Variants in DNAH8 observed in about 807,000 individuals in gnomAD.
The protein encoded by DNAH8 is dynein axonemal heavy chain 8.
In DNAH8, 382 loss-of-function variants were observed where a neutral mutation model predicts 562.1. The observed-to-expected ratio is 0.68, with a 90% CI of 0.63 to 0.74. DNAH8 has a LOEUF of 0.74. Ranked by LOEUF, DNAH8 falls within the 30% of genes least tolerant of loss-of-function variation. DNAH8 has a pLI of 0.00. For missense variants in DNAH8, 5,203 were observed against 5,620.4 expected, an observed-to-expected ratio of 0.93 and a Z score of 2.37; for synonymous variants, 1,881 against 1,919.4, an observed-to-expected ratio of 0.98 and a Z score of 0.52.
intron 80 of DNAH8, among the ~76,000 whole-genome samples, chr6:38,946,307 A>C (rs182989577): frequency 2.6e-5 from 4 of 152,186 alleles, no homozygotes; most frequent in Admixed American, 2.6e-4. Context: ...TGCTGTAATC[A>C]CCAATCCCCT....
chr6:38,715,960 A>ATATATATTTTTTTTTTT (rs1372342002), intron 1 of DNAH8, among the ~76,000 whole-genome samples: 1 of 23,634 alleles, frequency 4.2e-5, no homozygotes, highest in African/African-American at 3.6e-4. Flanking sequence ...ATATATATAT[A>ATATATATTTTTTTTTTT]TTTTTTTTTT....
intron 1 of DNAH8, chr6:38,716,552 T>G (rs537352477): frequency 6.6e-6 from 1 of 152,440 alleles, no homozygotes; most frequent in East Asian, 1.9e-4. Context: ...TTTCTTTTTT[T>G]GTTTTTCAGA....
intron 45 of DNAH8, among the ~76,000 whole-genome samples, chr6:38,865,488 A>G (rs862424): frequency 0.019 from 2,863 of 152,318 alleles, 94 homozygotes; most frequent in African/African-American, 0.062. Context: ...AAAAAATTGT[A>G]GTTTAACATG....
chr6:38,872,896 T>A lies in DNAH8; in HGVS notation c.7238-10T>A. ...AGTGAAAAGTGATTTTCTGTTTTAA[T>A]TATTTTCAGGTGAAAACATTTTCCT... On this transcript the variant is annotated splice_polypyrimidine_tract_variant and intron_variant, in intron 50 of 92. Transcript: ENST00000327475. 1 of 1,610,092 alleles carries A rather than the reference T, an allele frequency of 6.2e-7. No homozygotes were observed. Among genetic ancestry groups the A allele is most frequent in the Non-Finnish European group, 8.5e-7 (1 of 1,178,642 alleles).
chr6:38,763,970 T>G (rs1403887072), intron 11 of DNAH8: 1 of 153,566 alleles, frequency 6.5e-6, no homozygotes, highest in East Asian at 1.9e-4. Flanking sequence ...GGAAAAGATA[T>G]CCAGAAAAGA....
At chr6:38,927,297 C>T (rs1373951919) in intron 74 of DNAH8, among the ~76,000 whole-genome samples, 3 of 152,194 alleles carry the variant, frequency 2.0e-5, no homozygotes, top group Admixed American at 6.5e-5. Context: ...AACAAACATC[C>T]TATTTAGTGG....
chr6:38,890,614 T>G, intron 57 of DNAH8, 38 bp from the exon 58 acceptor site: 1 of 1,403,964 alleles, frequency 7.1e-7, no homozygotes, highest in Non-Finnish European at 1.0e-6. Context: ...TGGAAATCTT[T>G]TGGTAAGCTT....
chr6:38,918,614 T>C (rs1239635403), intron 70 of DNAH8, among the ~76,000 whole-genome samples: 1 of 152,164 alleles, frequency 6.6e-6, no homozygotes, highest in Non-Finnish European at 1.5e-5. Context: ...CAAATCAAGA[T>C]GTTGCAGATT....
intron 12 of DNAH8, among the ~76,000 whole-genome samples, chr6:38,772,650 T>C (rs1185651347): frequency 6.6e-6 from 1 of 152,178 alleles, no homozygotes; most frequent in African/African-American, 2.4e-5. Context: ...ATTTTTGGGT[T>C]ATCTTTTCAC....
intron 7 of DNAH8, among the ~76,000 whole-genome samples, chr6:38,738,578 G>A (rs1169977691): frequency 6.6e-6 from 1 of 152,128 alleles, no homozygotes; most frequent in African/African-American, 2.4e-5. Context: ...GAGGATTCTA[G>A]GAACCGCCCC....
chr6:38,753,468 G>A (rs79941094), intron 9 of DNAH8, among the ~76,000 whole-genome samples: 94 of 152,242 alleles, frequency 6.2e-4, no homozygotes, highest in African/African-American at 1.2e-3. Context: ...CAGGGCTACC[G>A]CAAGTAGCTC....
At chr6:38,805,659 C>G in intron 23 of DNAH8, 63 bp downstream of exon 23, 1 of 884,132 alleles carries the variant, frequency 1.1e-6, no homozygotes, top group Admixed American at 2.5e-5. Context: ...TTATAGATAA[C>G]CCCATATGGT....
At chr6:38,783,308 T>A (rs544712851) in intron 17 of DNAH8, among the ~76,000 whole-genome samples, 169 bp downstream of exon 17, 1 of 152,376 alleles carries the variant, frequency 6.6e-6, no homozygotes, top group South Asian at 2.1e-4. Context: ...AATAATATTC[T>A]GATTTTATAA....
At chr6:38,882,790 A>G (rs1241394349) in intron 53 of DNAH8, 120 bp from the exon 54 acceptor site, 1 of 671,102 alleles carries the variant, frequency 1.5e-6, no homozygotes, top group Non-Finnish European at 2.4e-6. Context: ...ATGTTTTAGG[A>G]AAACATTTTG....
chr6:38,748,730 GGT>G (rs1765167572), intron 8 of DNAH8, among the ~76,000 whole-genome samples: 1 of 147,796 alleles, frequency 6.8e-6, no homozygotes, highest in African/African-American at 2.5e-5. Flanking sequence ...CTCCAGCCTG[GGT>G]GACAGAGCAA....
In DNAH8 at chr6:38,722,768, A is replaced by G; in HGVS notation, c.-34-8A>G. ...GTAGTTTTAAACGAACCTATGTTAT[A>G]ATTCTAGGTTTCGAAGTATAAAGCA... On this transcript the variant is annotated splice_polypyrimidine_tract_variant and splice_region_variant and intron_variant, in intron 1 of 92. Coordinates refer to ENST00000327475, the MANE Select transcript of DNAH8 (RefSeq NM_001206927.2). The G allele has an allele frequency of 6.6e-7, 1 of 1,517,158 alleles. No individual in the cohort carries two copies. The highest frequency in any genetic ancestry group is 1.3e-5 in the South Asian group (1 of 75,578). 94.0% of individuals were successfully genotyped at this position (1,517,158 alleles called of 1,614,324 possible).
chr6:38,901,652 G>A (rs1401378563), intron 62 of DNAH8, among the ~76,000 whole-genome samples: 1 of 151,952 alleles, frequency 6.6e-6, no homozygotes, highest in East Asian at 1.9e-4. Flanking sequence ...TCTTCAAAAC[G>A]TCTTGTCCAT....
chr6:38,807,820 G>A lies in DNAH8; in HGVS notation c.3257+104G>A, dbSNP rs114462601. 1.8e-3 allele frequency: 914 copies of A among 503,968 alleles called. 12 individuals are homozygous for A. The highest frequency in any genetic ancestry group is 0.017 in the African/African-American group (848 of 50,080). The allele number at this position is 503,968 out of a possible 1,614,324, so 31.2% of individuals were successfully genotyped here. On this transcript the variant is annotated intron_variant, in intron 24 of 92. Transcript: ENST00000327475. ...AAAAAACTATAAAATTTAAAATATAGCATTCATTAAAAGACTGTATGAAAG... is the reference window on the plus strand; with the variant it reads ...AAAAAACTATAAAATTTAAAATATAACATTCATTAAAAGACTGTATGAAAG...
chr6:38,790,422 T>C lies in DNAH8; in HGVS notation c.2781+17T>C. 8.2e-7 allele frequency: 1 copy of C among 1,222,402 alleles called. No homozygotes were observed. Among genetic ancestry groups the C allele is most frequent in the Non-Finnish European group, 1.2e-6 (1 of 843,656 alleles). The allele number at this position is 1,222,402 out of a possible 1,614,324, so 75.7% of individuals were successfully genotyped here. Reference sequence around the variant, plus strand: ...TTAAAGAAGGTATGATCTATACATTTAAAAAGCTATCAACATATATACTCA... The same window carrying C: ...TTAAAGAAGGTATGATCTATACATTCAAAAAGCTATCAACATATATACTCA... On this transcript the variant is annotated intron_variant, in intron 20 of 92. Transcript: ENST00000327475.
Sources: allele counts gnomAD v4.1 joint callset (sites outside exome capture counted in the v4.1 genomes callset), GRCh38; gene constraint gnomAD v4.1.1; transcripts MANE v1.5; gene names NCBI Gene and HGNC (gene_info 2026-07-23, HGNC 2026-07-21).